Variants in ASIC2 observed in about 807,000 individuals in gnomAD.
ASIC2 encodes the protein acid-sensing ion channel 2.
In ASIC2, 25 loss-of-function variants were observed where a neutral mutation model predicts 57.3. That is an observed-to-expected ratio of 0.44 (90% CI 0.32 to 0.61). The LOEUF (loss-of-function observed/expected upper bound fraction) is 0.61. Ranked by LOEUF, ASIC2 falls within the 20% of genes least tolerant of loss-of-function variation. The pLI, the probability that ASIC2 is intolerant of heterozygous loss-of-function variation, is 0.06. For missense variants in ASIC2, 641 were observed against 738.1 expected, an observed-to-expected ratio of 0.87 and a Z score of 1.52; for synonymous variants, 319 against 307.5, an observed-to-expected ratio of 1.04 and a Z score of -0.39.
Position 33,701,226 on chromosome 17 carries a change from T to C in ASIC2, c.555+454752A>G, listed in dbSNP as rs139110365. 1.1e-4 allele frequency among the ~76,000 whole-genome samples: 17 copies of C among 152,068 alleles called. No individual in the cohort carries two copies. The East Asian group carries it at 2.5e-3, about 23-fold the overall frequency. On this transcript the variant is annotated intron_variant, in intron 1 of 9. Coordinates refer to the ASIC2 transcript ENST00000359872. ...AGCCTAGGGTACTCTGAGAAGTATG[T>C]TGTGTGTGGTGGGCGGAGGGGGCAT...
chr17:33,970,271 A>G (rs189994389), intron 1 of ASIC2, among the ~76,000 whole-genome samples: 1 of 152,266 alleles, frequency 6.6e-6, no homozygotes, highest in Non-Finnish European at 1.5e-5. Context: ...CCAGGTGAGA[A>G]CCAGTGGGGT....
chr17:34,033,497 C>CA (rs1003227149), intron 1 of ASIC2, among the ~76,000 whole-genome samples: 20 of 151,824 alleles, frequency 1.3e-4, no homozygotes, highest in African/African-American at 4.8e-4. Context: ...TAGCAGAAGG[C>CA]AAAAAATAAC....
chr17:33,824,689 C>T (rs1010934758), intron 1 of ASIC2, among the ~76,000 whole-genome samples: 4 of 152,234 alleles, frequency 2.6e-5, no homozygotes, highest in African/African-American at 9.6e-5. Flanking sequence ...TGGGGTCTTT[C>T]CTGTGCTATT....
intron 1 of ASIC2, among the ~76,000 whole-genome samples, chr17:34,103,660 CT>C (rs200313051): frequency 2.7e-5 from 4 of 150,884 alleles, no homozygotes; most frequent in Admixed American, 6.6e-5. Context: ...ATTGGGCTCA[CT>C]TTTTTTTTGC....
intron 1 of ASIC2, among the ~76,000 whole-genome samples, chr17:33,398,838 G>A (rs903207860): frequency 1.3e-5 from 2 of 152,156 alleles, no homozygotes; most frequent in Non-Finnish European, 1.5e-5. Flanking sequence ...GAACCAAGAT[G>A]GCAACTCAAG....
At chr17:33,718,240 A>G (rs747466924) in intron 1 of ASIC2, among the ~76,000 whole-genome samples, 2 of 152,184 alleles carry the variant, frequency 1.3e-5, no homozygotes, top group African/African-American at 2.4e-5. Context: ...TAATTTAAGC[A>G]TTTTTTATTG....
chr17:33,254,118 C>T (rs1338565910), intron 1 of ASIC2, among the ~76,000 whole-genome samples: 1 of 152,144 alleles, frequency 6.6e-6, no homozygotes, highest in African/African-American at 2.4e-5. Context: ...GAGGTGAAGT[C>T]CACCAGCTAA....
chr17:33,712,676 T>G (rs980948105), intron 1 of ASIC2, among the ~76,000 whole-genome samples: 2 of 135,576 alleles, frequency 1.5e-5, no homozygotes, highest in Non-Finnish European at 3.1e-5. Flanking sequence ...GACGGAGTCT[T>G]GCTCTGTCGC....
At chr17:33,402,755 T>C (rs976826658) in intron 1 of ASIC2, among the ~76,000 whole-genome samples, 10 of 152,202 alleles carry the variant, frequency 6.6e-5, no homozygotes, top group African/African-American at 2.4e-4. Flanking sequence ...CATACGCGTG[T>C]ACGTATCTTT....
intron 1 of ASIC2, among the ~76,000 whole-genome samples, chr17:33,453,806 A>G (rs1910687): frequency 0.072 from 11,002 of 152,228 alleles, 497 homozygotes; most frequent in Middle Eastern, 0.11. Flanking sequence ...CCATACCCAG[A>G]CAGCCACCGA....
At chr17:33,194,010 AGAT>A in intron 1 of ASIC2, among the ~76,000 whole-genome samples, 1 of 152,102 alleles carries the variant, frequency 6.6e-6, no homozygotes. Context: ...CTAAGACACC[AGAT>A]CTGCAGCACC....
At chr17:33,508,177 C>T (rs1353412105) in intron 1 of ASIC2, among the ~76,000 whole-genome samples, 1 of 152,060 alleles carries the variant, frequency 6.6e-6, no homozygotes, top group Non-Finnish European at 1.5e-5. Context: ...CTCCATGCCC[C>T]TCCTCCCTTG....
Position 33,846,123 on chromosome 17 carries a change from A to G in ASIC2, c.555+309855T>C, listed in dbSNP as rs139870485. Reference sequence around the variant, plus strand: ...AACAAAATGAACAAGGGGAAAGTAGAAAGAGCATTTAAATGCTTCCATGTC... The same window carrying G: ...AACAAAATGAACAAGGGGAAAGTAGGAAGAGCATTTAAATGCTTCCATGTC... On this transcript the variant is annotated intron_variant, in intron 1 of 9. Coordinates refer to the ASIC2 transcript ENST00000359872. 7.2e-5 allele frequency among the ~76,000 whole-genome samples: 11 copies of G among 152,332 alleles called. No homozygotes were observed. In the East Asian group the frequency reaches 1.9e-3, roughly 27 times the overall value.
intron 1 of ASIC2, among the ~76,000 whole-genome samples, chr17:33,255,194 C>T (rs1004993630): frequency 1.3e-5 from 2 of 151,866 alleles, no homozygotes; most frequent in Non-Finnish European, 2.9e-5. Context: ...TATGCACCAC[C>T]ACACTTGGCT....
At chr17:33,244,974 C>T (rs1908638367) in intron 1 of ASIC2, among the ~76,000 whole-genome samples, 1 of 152,174 alleles carries the variant, frequency 6.6e-6, no homozygotes, top group Non-Finnish European at 1.5e-5. Context: ...TTGGTCTCAT[C>T]CACATAACAA....
intron 1 of ASIC2, among the ~76,000 whole-genome samples, chr17:33,925,794 C>T (rs1486419779): frequency 1.3e-5 from 2 of 152,184 alleles, no homozygotes; most frequent in African/African-American, 4.8e-5. Flanking sequence ...GGCTGCAATC[C>T]ATTGACAGCA....
chr17:33,633,184 G>T (rs974306201), intron 1 of ASIC2, among the ~76,000 whole-genome samples: 5 of 152,164 alleles, frequency 3.3e-5, no homozygotes, highest in Admixed American at 6.5e-5. Flanking sequence ...ATTCTCACTG[G>T]AGTGCATCAA....
At chr17:33,298,201 G>T (rs1905800869), upstream of ASIC2, among the ~76,000 whole-genome samples, 1 of 151,870 alleles carries the variant, frequency 6.6e-6, no homozygotes. Flanking sequence ...GTGCCATGTT[G>T]GTGTGCTGCA....
chr17:33,572,732 C>T (rs1038213922), intron 1 of ASIC2, among the ~76,000 whole-genome samples: 4 of 152,198 alleles, frequency 2.6e-5, no homozygotes, highest in East Asian at 1.9e-4. Flanking sequence ...GACCAATGGT[C>T]ACTCCCAAGT....
Sources: allele counts gnomAD v4.1 joint callset (sites outside exome capture counted in the v4.1 genomes callset), GRCh38; gene constraint gnomAD v4.1.1; transcripts MANE v1.5; gene names NCBI Gene and HGNC (gene_info 2026-07-23, HGNC 2026-07-21).